The following IPO11 variants were observed in gnomAD, a reference collection of about 807,000 sequenced individuals.
IPO11 encodes importin-11.
In IPO11, 66 loss-of-function variants were observed where a neutral mutation model predicts 143.2. The observed-to-expected ratio is 0.46, with a 90% CI of 0.38 to 0.57. The LOEUF (loss-of-function observed/expected upper bound fraction) is 0.57, where lower values mean the gene tolerates loss of function less well. IPO11 is among the 20% of genes least tolerant of loss of function. The probability of loss-of-function intolerance (pLI) is 0.00; values close to 1 mark genes in which losing one functional copy is unlikely to be tolerated. For synonymous variants in IPO11, 385 were observed against 377.8 expected (o/e 1.02, Z -0.22); for missense variants, 1,026 against 1,141.0 (o/e 0.90, Z 1.45).
chr5:62,608,673 C>T (rs541827660), intron 29 of IPO11, among the ~76,000 whole-genome samples: 3 of 152,200 alleles, frequency 2.0e-5, no homozygotes, highest in South Asian at 4.2e-4. Context: ...CCATATATGC[C>T]GTGTCCCCCA....
At chr5:62,483,785 A>G (rs767045867) in intron 10 of IPO11, among the ~76,000 whole-genome samples, 14 of 152,160 alleles carry the variant, frequency 9.2e-5, no homozygotes, top group Non-Finnish European at 1.9e-4. Flanking sequence ...GTATGCCGTG[A>G]TGGTATTGCA....
At chr5:62,605,003 T>C (rs1489756407) in intron 29 of IPO11, among the ~76,000 whole-genome samples, 1 of 152,224 alleles carries the variant, frequency 6.6e-6, no homozygotes, top group Non-Finnish European at 1.5e-5. Flanking sequence ...TTGAGAACTA[T>C]CCAGCAATAT....
intron 7 of IPO11, 128 bp downstream of exon 7, chr5:62,470,436 C>T: frequency 2.5e-6 from 2 of 808,718 alleles, no homozygotes; most frequent in East Asian, 2.6e-5. Context: ...AGTTTTTTAC[C>T]ATTCTGACTT....
At chr5:62,612,573 T>C (rs1745963225) in intron 29 of IPO11, among the ~76,000 whole-genome samples, 1 of 152,220 alleles carries the variant, frequency 6.6e-6, no homozygotes, top group African/African-American at 2.4e-5. Context: ...AGCAGTGCCA[T>C]TTTTCTCACT....
chr5:62,538,834 CTG>C (rs1461713720), intron 24 of IPO11, among the ~76,000 whole-genome samples: 3 of 152,176 alleles, frequency 2.0e-5, no homozygotes, highest in African/African-American at 2.4e-5. Flanking sequence ...TGGTGCATGA[CTG>C]TGTTTTTATT....
intron 27 of IPO11, among the ~76,000 whole-genome samples, chr5:62,570,599 C>A (rs1744102310): frequency 1.3e-5 from 2 of 152,180 alleles, no homozygotes; most frequent in Admixed American, 1.3e-4. Context: ...GTTCATTGCA[C>A]TCTGGCATCT....
At chr5:62,428,935 G>A (rs1743865494) in intron 1 of IPO11, among the ~76,000 whole-genome samples, 1 of 152,090 alleles carries the variant, frequency 6.6e-6, no homozygotes, top group Non-Finnish European at 1.5e-5. Flanking sequence ...CCAAAGTGCC[G>A]AGATTACGCT....
intron 27 of IPO11, among the ~76,000 whole-genome samples, chr5:62,583,298 T>A (rs528244428): frequency 6.6e-6 from 1 of 152,284 alleles, no homozygotes; most frequent in Non-Finnish European, 1.5e-5. Flanking sequence ...AACTTCTCCA[T>A]GCCTCCCTTC....
intron 16 of IPO11, among the ~76,000 whole-genome samples, chr5:62,504,347 T>C (rs942417382): frequency 2.6e-5 from 4 of 152,196 alleles, no homozygotes; most frequent in African/African-American, 9.6e-5. Flanking sequence ...GGTTTCCTGC[T>C]TCCTTCTTCC....
At chr5:62,518,184 G>A (rs1174685369) in intron 20 of IPO11, among the ~76,000 whole-genome samples, 1 of 150,148 alleles carries the variant, frequency 6.7e-6, no homozygotes, top group Non-Finnish European at 1.5e-5. Context: ...AGTGACTCAC[G>A]CCTGTAATCC....
chr5:62,487,489 T>G (rs1342681846), intron 12 of IPO11, among the ~76,000 whole-genome samples: 1 of 152,180 alleles, frequency 6.6e-6, no homozygotes, highest in Non-Finnish European at 1.5e-5. Context: ...TATGATTAAT[T>G]TAAAATGTAC....
At chr5:62,486,042 T>G (rs1211802141) in intron 12 of IPO11, among the ~76,000 whole-genome samples, 1 of 150,050 alleles carries the variant, frequency 6.7e-6, no homozygotes, top group Non-Finnish European at 1.5e-5. Context: ...AGTGCACTGG[T>G]GCATCTCGGC....
At chr5:62,414,989 T>C (rs1243232596) in intron 1 of IPO11, among the ~76,000 whole-genome samples, 2 of 152,180 alleles carry the variant, frequency 1.3e-5, no homozygotes, top group Admixed American at 6.5e-5. Flanking sequence ...CCAGTGCTTT[T>C]CTTTTGCTGG....
intron 22 of IPO11, among the ~76,000 whole-genome samples, chr5:62,535,399 A>G (rs929946306): frequency 1.1e-4 from 17 of 152,118 alleles, no homozygotes; most frequent in Admixed American, 7.9e-4. Flanking sequence ...TCTACAAAAA[A>G]AGTATGCACG....
intron 22 of IPO11, among the ~76,000 whole-genome samples, chr5:62,532,147 C>G (rs1306296726): frequency 6.6e-6 from 1 of 152,180 alleles, no homozygotes; most frequent in Non-Finnish European, 1.5e-5. Flanking sequence ...TCTCATTTCA[C>G]CCTGTTTTCC....
At chr5:62,458,666 C>G (rs1245340683) in intron 5 of IPO11, among the ~76,000 whole-genome samples, 1 of 152,100 alleles carries the variant, frequency 6.6e-6, no homozygotes, top group Non-Finnish European at 1.5e-5. Flanking sequence ...GTGCTGTGAA[C>G]CTGTGGGGAT....
At chr5:62,513,694 C>A (rs1741880823) in intron 19 of IPO11, among the ~76,000 whole-genome samples, 1 of 145,922 alleles carries the variant, frequency 6.9e-6, no homozygotes, top group South Asian at 2.2e-4. Context: ...GGGGCTGAGC[C>A]CCCCACCCCC....
At chr5:62,514,201 A>G (rs1325016676) in intron 19 of IPO11, among the ~76,000 whole-genome samples, 2 of 151,950 alleles carry the variant, frequency 1.3e-5, no homozygotes, top group African/African-American at 4.8e-5. Context: ...GCGGCCGGGC[A>G]GGGGCTGCAA....
chr5:62,526,059 G>T (rs1033607147), intron 20 of IPO11, 83 bp from the exon 21 acceptor site: 8 of 813,186 alleles, frequency 9.8e-6, no homozygotes, highest in Admixed American at 2.4e-5. Context: ...TGGTTTTAGG[G>T]CTTTTTGTAT....
Sources: gnomAD v4.1 joint callset for allele counts (sites outside exome capture counted in the v4.1 genomes callset) on GRCh38, gnomAD v4.1.1 for gene constraint, MANE v1.5 for transcripts, NCBI Gene and HGNC (gene_info 2026-07-23, HGNC 2026-07-21) for gene names.